LCOR: variants seen among roughly 807,000 people sequenced by gnomAD.
The protein encoded by LCOR is ligand-dependent corepressor.
A neutral mutation model predicts 64.4 loss-of-function variants in LCOR; 14 were observed. The observed-to-expected ratio is 0.22, with a 90% CI of 0.14 to 0.34. The LOEUF (loss-of-function observed/expected upper bound fraction) is 0.34, where lower values mean the gene tolerates loss of function less well. LCOR is among the 10% of genes least tolerant of loss of function. The pLI, the probability that LCOR is intolerant of heterozygous loss-of-function variation, is 1.00. For missense variants in LCOR, 1,686 were observed against 1,765.3 expected (o/e 0.96, Z 0.80); for synonymous variants, 643 against 642.5 (o/e 1.00, Z -0.01).
chr10:96,859,681 T>C (rs1043980060), intron 2 of LCOR, among the ~76,000 whole-genome samples: 5 of 152,122 alleles, frequency 3.3e-5, no homozygotes, highest in African/African-American at 1.2e-4. Flanking sequence ...CCTCAGCCTC[T>C]TGAGTAGCTG....
At chr10:96,935,120 T>G (rs1847325661) in intron 4 of LCOR, among the ~76,000 whole-genome samples, 1 of 150,936 alleles carries the variant, frequency 6.6e-6, no homozygotes, top group Admixed American at 6.6e-5. Context: ...TAACTTTTCC[T>G]TATCTCCTGG....
chr10:96,854,557 C>G (rs1845772160), intron 2 of LCOR, among the ~76,000 whole-genome samples: 1 of 152,148 alleles, frequency 6.6e-6, no homozygotes, highest in Non-Finnish European at 1.5e-5. Flanking sequence ...GAGCTCCTGA[C>G]CTCAAGTGAT....
At chr10:96,880,450 T>A (rs1310090572) in intron 2 of LCOR, among the ~76,000 whole-genome samples, 2 of 152,194 alleles carry the variant, frequency 1.3e-5, no homozygotes, top group Non-Finnish European at 2.9e-5. Flanking sequence ...CAGGCTGGAG[T>A]GCAGTAGTGC....
intron 2 of LCOR, among the ~76,000 whole-genome samples, chr10:96,855,999 CT>C (rs1478400709): frequency 4.9e-4 from 74 of 152,334 alleles, no homozygotes; most frequent in African/African-American, 1.5e-3. Context: ...CTGCCTCAGC[CT>C]CCCAACGTGC....
intron 2 of LCOR, among the ~76,000 whole-genome samples, chr10:96,838,686 T>G (rs1266217164): frequency 6.6e-6 from 1 of 152,262 alleles, no homozygotes; most frequent in African/African-American, 2.4e-5. Flanking sequence ...TAAATAACAC[T>G]GCATTGTGTG....
intron 4 of LCOR, among the ~76,000 whole-genome samples, chr10:96,911,912 A>T (rs1846843470): frequency 6.6e-6 from 1 of 152,122 alleles, no homozygotes; most frequent in African/African-American, 2.4e-5. Flanking sequence ...TGTACTGCTT[A>T]TTCATGAGGC....
Position 96,949,300 on chromosome 10 carries a change from G to T in LCOR, c.238+5G>T. On this transcript the variant is annotated splice_donor_5th_base_variant and intron_variant, in intron 6 of 7. Coordinates refer to ENST00000421806, the MANE Select transcript of LCOR (RefSeq NM_001346516.2). ...AGTCAGAACCTAGCGAACAAGGTAT[G>T]GTTTGATGTCAAGGTCTCCTCTATC... 1.2e-6 allele frequency: 2 copies of T among 1,613,760 alleles called. No homozygotes were observed. The highest frequency in any genetic ancestry group is 2.2e-5 in the South Asian group (2 of 91,030).
chr10:96,870,227 G>C (rs1589619128), intron 2 of LCOR, among the ~76,000 whole-genome samples: 1 of 151,602 alleles, frequency 6.6e-6, no homozygotes, highest in African/African-American at 2.4e-5. Flanking sequence ...TCACCAGGAT[G>C]GTCTCAATCT....
intron 2 of LCOR, among the ~76,000 whole-genome samples, chr10:96,841,347 T>C (rs1353223860): frequency 1.3e-5 from 2 of 151,380 alleles, no homozygotes; most frequent in South Asian, 2.1e-4. Context: ...TTTAATACTT[T>C]CTAGAAAACT....
chr10:96,939,734 C>T (rs559695662), intron 4 of LCOR, among the ~76,000 whole-genome samples: 6 of 152,300 alleles, frequency 3.9e-5, no homozygotes, highest in East Asian at 1.9e-4. Flanking sequence ...GAGGCCGAGG[C>T]GGGCGGATCA....
intron 2 of LCOR, among the ~76,000 whole-genome samples, chr10:96,849,344 A>G (rs1432483715): frequency 6.6e-6 from 1 of 152,144 alleles, no homozygotes; most frequent in African/African-American, 2.4e-5. Context: ...AAATGCTGGG[A>G]TTACAGGCGT....
intron 2 of LCOR, among the ~76,000 whole-genome samples, chr10:96,891,157 C>T (rs1478618419): frequency 6.6e-6 from 1 of 151,924 alleles, no homozygotes; most frequent in Admixed American, 6.6e-5. Context: ...CCATATGGTC[C>T]TGGGGTTTTT....
rs1184454515 is a variant in LCOR, at chr10:96,949,283, C to A, written c.226C>A (p.Pro76Thr). ...DLTVRKSQSEPSEQDGVLDLS... is the reference protein window; with the variant it reads ...DLTVRKSQSETSEQDGVLDLS... Reference sequence around the variant, plus strand: ...TACTGTCAGAAAGTCTCAGTCAGAACCTAGCGAACAAGGTATGGTTTGATG... The same window carrying A: ...TACTGTCAGAAAGTCTCAGTCAGAAACTAGCGAACAAGGTATGGTTTGATG... Residue 76 changes from proline (P) to threonine (T), a missense_variant, in exon 6 of 8, where the codon CCT (proline) becomes ACT (threonine). Coordinates refer to ENST00000421806, the MANE Select transcript of LCOR (RefSeq NM_001346516.2). 1.2e-6 allele frequency: 2 copies of A among 1,613,824 alleles called. No individual in the cohort carries two copies. Among genetic ancestry groups the A allele is most frequent in the African/African-American group, 2.7e-5 (2 of 74,838 alleles).
intron 4 of LCOR, among the ~76,000 whole-genome samples, chr10:96,912,239 C>T (rs1166279315): frequency 6.6e-6 from 1 of 152,060 alleles, no homozygotes; most frequent in Non-Finnish European, 1.5e-5. Context: ...CCTTCTTTAA[C>T]CTTTCTTTAA....
intron 2 of LCOR, among the ~76,000 whole-genome samples, chr10:96,882,607 G>A (rs1846281258): frequency 6.6e-6 from 1 of 152,142 alleles, no homozygotes; most frequent in African/African-American, 2.4e-5. Context: ...ATCATCCAAA[G>A]TCCATAATTT....
chr10:96,965,031 T>C (rs754557903), intron 7 of LCOR, among the ~76,000 whole-genome samples: 15 of 151,752 alleles, frequency 9.9e-5, no homozygotes, highest in Non-Finnish European at 1.8e-4. Flanking sequence ...TTTTTTGAGA[T>C]GGAGTCTCGC....
chr10:96,986,351 G>C lies in LCOR; in HGVS notation c.*1217G>C, dbSNP rs904347134. 6.5e-6 allele frequency: 1 copy of C among 153,264 alleles called. No individual in the cohort carries two copies. Among genetic ancestry groups the C allele is most frequent in the Non-Finnish European group, 1.5e-5 (1 of 68,142 alleles). 9.5% of individuals were successfully genotyped at this position (153,264 alleles called of 1,614,324 possible). On this transcript the variant is annotated 3_prime_UTR_variant, in exon 8 of 8. Coordinates refer to ENST00000421806, the MANE Select transcript of LCOR (RefSeq NM_001346516.2). ...ACAGCATGGAGTTATGTAAAGGTTAGAGCAGCCTTGCAGTTGGAGGAAGCA... is the reference window on the plus strand; with the variant it reads ...ACAGCATGGAGTTATGTAAAGGTTACAGCAGCCTTGCAGTTGGAGGAAGCA...
At chr10:96,980,358 T>C (rs777041308) in intron 7 of LCOR, among the ~76,000 whole-genome samples, 71 of 152,208 alleles carry the variant, frequency 4.7e-4, no homozygotes, top group Non-Finnish European at 7.9e-4. Flanking sequence ...TTGAAAAAAA[T>C]GTATTTGCAG....
intron 5 of LCOR, among the ~76,000 whole-genome samples, chr10:96,944,994 T>A (rs930357357): frequency 1.3e-5 from 2 of 152,182 alleles, no homozygotes; most frequent in Non-Finnish European, 2.9e-5. Context: ...CATGTTCCTT[T>A]CTAGTGAGGA....
Sources: gnomAD v4.1 joint callset for allele counts (sites outside exome capture counted in the v4.1 genomes callset) on GRCh38, gnomAD v4.1.1 for gene constraint, MANE v1.5 for transcripts, NCBI Gene and HGNC (gene_info 2026-07-23, HGNC 2026-07-21) for gene names.